The following STAM variants were observed in gnomAD, a reference collection of about 807,000 sequenced individuals.
The protein encoded by STAM is signal transducing adapter molecule 1.
In STAM, 16 loss-of-function variants were observed where a neutral mutation model predicts 63.4. The observed-to-expected ratio is 0.25, with a 90% CI of 0.17 to 0.38. STAM has a LOEUF of 0.38. Ranked by LOEUF, STAM falls within the 10% of genes least tolerant of loss-of-function variation. The pLI is 1.00. For missense variants in STAM, 636 were observed against 657.1 expected (o/e 0.97, Z 0.35); for synonymous variants, 238 against 223.9 (o/e 1.06, Z -0.56).
At chr10:17,704,143 A>C (rs577680851) in intron 9 of STAM, among the ~76,000 whole-genome samples, 1 of 152,290 alleles carries the variant, frequency 6.6e-6, no homozygotes, top group Admixed American at 6.5e-5. Context: ...TCCAGACTGA[A>C]GTGCAGTGGC....
chr10:17,668,996 A>G (rs569782651), intron 2 of STAM, among the ~76,000 whole-genome samples: 4 of 152,364 alleles, frequency 2.6e-5, no homozygotes, highest in South Asian at 2.1e-4. Flanking sequence ...TTGCTAGATC[A>G]TATGGTAAGA....
Position 17,700,258 on chromosome 10 carries a change from G to A in STAM, c.891G>A (p.Pro297=), listed in dbSNP as rs782570790. Residue 297 remains proline, a synonymous_variant, in exon 9 of 14, where the codon CCG becomes CCA. Coordinates refer to ENST00000377524, the MANE Select transcript of STAM (RefSeq NM_003473.4). ...DVQVETIEPE[P]EPAFIDEDKM... Reference sequence around the variant, plus strand: ...AGGTAGAGACAATAGAACCAGAGCCGGAACCAGCCTTTATTGATGAAGTAA... The same window carrying A: ...AGGTAGAGACAATAGAACCAGAGCCAGAACCAGCCTTTATTGATGAAGTAA... 23 of 1,607,732 alleles carry A rather than the reference G, an allele frequency of 1.4e-5. No homozygotes were observed. The highest frequency in any genetic ancestry group is 2.2e-5 in the South Asian group (2 of 89,992).
At position 17,698,421 on chromosome 10, in the gene STAM, CT is replaced by C. The variant is rs36053695; in HGVS notation, c.823+1565del. On this transcript the variant is annotated intron_variant, in intron 8 of 13. Coordinates refer to ENST00000377524, the MANE Select transcript of STAM (RefSeq NM_003473.4). ...CATGTAGATCCTGGAGCCATTTCAT[CT>C]TTTTTTTTTTTTAAGTCATATAGCA... is the stretch of plus-strand genomic sequence containing the variant. 6.4e-3 allele frequency among the ~76,000 whole-genome samples: 904 copies of C among 141,802 alleles called. 6 individuals are homozygous for C. The highest frequency in any genetic ancestry group is 0.017 in the African/African-American group (656 of 38,726). The allele number at this position is 141,802 out of a possible 152,430, so 93.0% of individuals were successfully genotyped here.
intron 6 of STAM, among the ~76,000 whole-genome samples, chr10:17,693,941 G>T (rs1211996779): frequency 3.3e-5 from 5 of 152,148 alleles, no homozygotes; most frequent in African/African-American, 1.2e-4. Flanking sequence ...TTATTAATCT[G>T]ACAACACTTG....
rs531339736 is a variant in STAM, at chr10:17,696,539, A to G, written c.729-236A>G. 10 of 403,832 alleles carry G rather than the reference A, an allele frequency of 2.5e-5. No homozygotes were observed. In the East Asian group the frequency reaches 3.1e-4, roughly 12 times the overall value. 25.0% of individuals were successfully genotyped at this position (403,832 alleles called of 1,614,324 possible). Reference sequence around the variant, plus strand: ...TGCCTCTTTTTTTGGGAGAGAGTCCATAACTGCAGAGCATGCATTGGCAGT... The same window carrying G: ...TGCCTCTTTTTTTGGGAGAGAGTCCGTAACTGCAGAGCATGCATTGGCAGT... On this transcript the variant is annotated intron_variant, in intron 7 of 13. Transcript: ENST00000377524.
intron 1 of STAM, among the ~76,000 whole-genome samples, chr10:17,647,573 C>G (rs912063993): frequency 1.3e-4 from 20 of 152,108 alleles, no homozygotes; most frequent in Admixed American, 7.2e-4. Flanking sequence ...TGGGGCCACA[C>G]TGCTTGGATT....
At chr10:17,648,431 C>T (rs1262438816) in intron 1 of STAM, among the ~76,000 whole-genome samples, 1 of 152,224 alleles carries the variant, frequency 6.6e-6, no homozygotes, top group African/African-American at 2.4e-5. Context: ...CCCTAGCCAG[C>T]AGCAGCAACC....
intron 8 of STAM, among the ~76,000 whole-genome samples, chr10:17,699,208 A>G (rs1340220041): frequency 1.3e-5 from 2 of 152,108 alleles, no homozygotes; most frequent in East Asian, 3.9e-4. Flanking sequence ...TTTCCAAACT[A>G]CCTTATTTAT....
chr10:17,695,191 C>T lies in STAM; in HGVS notation c.678C>T (p.Asp226=). Residue 226 remains aspartate, a synonymous_variant, in exon 7 of 14, where the codon GAC becomes GAT. Transcript: ENST00000377524. ...TATATGACTTTGAAGCTGCTGAAGA[C>T]AATGAACTTACTTTTAAAGCTGGAG... ...RAIYDFEAAE[D]NELTFKAGEI... 1 of 1,613,946 alleles carries T rather than the reference C, an allele frequency of 6.2e-7. No homozygotes were observed. Among genetic ancestry groups the T allele is most frequent in the Non-Finnish European group, 8.5e-7 (1 of 1,179,916 alleles).
intron 1 of STAM, among the ~76,000 whole-genome samples, chr10:17,646,243 G>A (rs1833515293): frequency 6.6e-6 from 1 of 152,098 alleles, no homozygotes; most frequent in African/African-American, 2.4e-5. Flanking sequence ...TTTGTCATAG[G>A]AGTTTGTCCT....
At chr10:17,666,387 A>ATTTTTTTTTTTTTTTTTTTTTTTTT (rs10673746) in intron 2 of STAM, among the ~76,000 whole-genome samples, 2 of 85,922 alleles carry the variant, frequency 2.3e-5, no homozygotes, top group African/African-American at 1.0e-4. Flanking sequence ...TTGGCTTTGT[A>ATTTTTTTTTTTTTTTTTTTTTTTTT]TTTTTTTTTT....
chr10:17,677,577 A>G lies in STAM; in HGVS notation c.126-7098A>G, dbSNP rs140808898. Among the ~76,000 whole-genome samples, 169 of 152,344 alleles carry G rather than the reference A, an allele frequency of 1.1e-3. 1 individual carries two copies. Among genetic ancestry groups the G allele is most frequent in the Non-Finnish European group, 1.9e-3 (128 of 68,030 alleles). ...AATAAGTCCAACTGTGAAAAAGGCAAAATCTAAATAATAGTGTTAAAGTAC... is the reference window on the plus strand; with the variant it reads ...AATAAGTCCAACTGTGAAAAAGGCAGAATCTAAATAATAGTGTTAAAGTAC... On this transcript the variant is annotated intron_variant, in intron 2 of 13. Coordinates refer to ENST00000377524, the MANE Select transcript of STAM (RefSeq NM_003473.4).
At chr10:17,677,408 T>C (rs982557556) in intron 2 of STAM, among the ~76,000 whole-genome samples, 1 of 152,144 alleles carries the variant, frequency 6.6e-6, no homozygotes, top group Non-Finnish European at 1.5e-5. Context: ...CTTTAGATTA[T>C]TTTTTACTGA....
At chr10:17,707,072 T>A (rs1396031198) in intron 12 of STAM, among the ~76,000 whole-genome samples, 1 of 149,442 alleles carries the variant, frequency 6.7e-6, no homozygotes, top group Non-Finnish European at 1.5e-5. Flanking sequence ...AAGGACCCCC[T>A]TTTCACAAAC....
chr10:17,689,195 A>C (rs1554826478), intron 5 of STAM, among the ~76,000 whole-genome samples: 1 of 152,214 alleles, frequency 6.6e-6, no homozygotes, highest in African/African-American at 2.4e-5. Flanking sequence ...ATGCCCAACT[A>C]ATCAAGAGGC....
intron 1 of STAM, among the ~76,000 whole-genome samples, chr10:17,653,858 A>C (rs1341969849): frequency 4.6e-5 from 7 of 152,230 alleles, no homozygotes; most frequent in African/African-American, 1.7e-4. Flanking sequence ...GTATACCAAG[A>C]GACAACTGCG....
In STAM at chr10:17,695,127, T is replaced by C. The variant is rs1554827308; in HGVS notation, c.614T>C (p.Leu205Ser). ...STLYPSTSSL[L>S]TNHQHEGRKV... is the part of the protein sequence containing the mutation. ...TTGTATCCAAGCACATCCAGTCTCTTAACTAACCACCAACATGAAGGCCGA... is the reference window on the plus strand; with the variant it reads ...TTGTATCCAAGCACATCCAGTCTCTCAACTAACCACCAACATGAAGGCCGA... Residue 205 changes from leucine (L) to serine (S), a missense_variant, in exon 7 of 14, where the codon TTA (leucine) becomes TCA (serine). By Grantham distance (145) the Leu-to-Ser change is moderately radical. Transcript: ENST00000377524. The C allele has an allele frequency of 6.2e-7, 1 of 1,614,150 alleles. No individual in the cohort carries two copies. The highest frequency in any genetic ancestry group is 1.1e-5 in the South Asian group (1 of 91,084).
In STAM at chr10:17,665,102, A is replaced by G. The variant is rs146143614; in HGVS notation, c.125+4554A>G. On this transcript the variant is annotated intron_variant, in intron 2 of 13. Coordinates refer to ENST00000377524, the MANE Select transcript of STAM (RefSeq NM_003473.4). ...GGTTTTAAAGGGGGAGAAAAGAGCT[A>G]TTATTGTGAAGTTTCATTTAGTCAG... Among the ~76,000 whole-genome samples, 630 of 152,074 alleles carry G rather than the reference A, an allele frequency of 4.1e-3. 7 individuals carry two copies. The highest frequency in any genetic ancestry group is 0.014 in the African/African-American group (591 of 41,518).
intron 1 of STAM, among the ~76,000 whole-genome samples, chr10:17,652,042 A>G (rs184694123): frequency 1.2e-4 from 19 of 152,300 alleles, no homozygotes; most frequent in East Asian, 1.9e-4. Context: ...AGATTTCTCA[A>G]TCTCCTCTTT....
Sources: gnomAD v4.1 joint callset for allele counts (sites outside exome capture counted in the v4.1 genomes callset) on GRCh38, gnomAD v4.1.1 for gene constraint, MANE v1.5 for transcripts, NCBI Gene and HGNC (gene_info 2026-07-23, HGNC 2026-07-21) for gene names.